The following EYS variants were observed in gnomAD, a reference collection of about 807,000 sequenced individuals.
EYS encodes protein eyes shut homolog.
A neutral mutation model predicts 282.1 loss-of-function variants in EYS; 250 were observed. The observed-to-expected ratio is 0.89, with a 90% CI of 0.80 to 0.98. The LOEUF (loss-of-function observed/expected upper bound fraction) is 0.98, where lower values mean the gene tolerates loss of function less well. EYS is among the 50% of genes least tolerant of loss of function. EYS has a pLI of 0.00. For missense variants in EYS, 4,016 were observed against 3,709.0 expected, an observed-to-expected ratio of 1.08 and a Z score of -2.15; for synonymous variants, 1,355 against 1,282.9, an observed-to-expected ratio of 1.06 and a Z score of -1.20.
intron 2 of EYS, among the ~76,000 whole-genome samples, chr6:65,523,685 C>CT (rs773534771): frequency 1.3e-5 from 2 of 151,944 alleles, no homozygotes; most frequent in Admixed American, 6.6e-5. Context: ...TTAAAAATAA[C>CT]TTTTTTTAAA....
chr6:64,380,634 A>G lies in EYS; in HGVS notation c.6078+8056T>C, dbSNP rs564910202. The stretch of plus-strand genomic sequence containing the variant: ...AAATTGAAGTTAGACTATTTAACTT[A>G]ATGTAATTATTGGTATGAATCTGGT... On this transcript the variant is annotated intron_variant, in intron 29 of 42. Coordinates refer to ENST00000503581, the MANE Select transcript of EYS (RefSeq NM_001142800.2). Among the ~76,000 whole-genome samples the G allele has an allele frequency of 2.0e-5, 3 of 152,358 alleles. No individual in the cohort carries two copies. In the South Asian group the frequency reaches 6.2e-4, roughly 32 times the overall value.
intron 12 of EYS, among the ~76,000 whole-genome samples, chr6:65,090,142 C>G (rs13216890): frequency 0.19 from 29,190 of 151,798 alleles, 3,398 homozygotes; most frequent in South Asian, 0.27. Context: ...CACCCAAGAT[C>G]TCATCTTGAA....
At chr6:64,348,585 T>G (rs621537) in intron 29 of EYS, among the ~76,000 whole-genome samples, 103,797 of 151,256 alleles carry the variant, frequency 0.69, 35,651 homozygotes, top group South Asian at 0.71. Flanking sequence ...CAACTCTAAC[T>G]GAGCAATTAT....
At chr6:64,675,421 TTTTTTTC>T (rs1363082779) in intron 22 of EYS, among the ~76,000 whole-genome samples, 8 of 87,746 alleles carry the variant, frequency 9.1e-5, no homozygotes, top group Non-Finnish European at 1.4e-4. Flanking sequence ...TGTTTCTCTT[TTTTTTTC>T]TTTTTTTTTT....
At chr6:65,621,268 T>C (rs1277737997) in intron 2 of EYS, among the ~76,000 whole-genome samples, 3 of 152,216 alleles carry the variant, frequency 2.0e-5, no homozygotes, top group Non-Finnish European at 4.4e-5. Flanking sequence ...TTAGGACAGT[T>C]AGCTCTTCTT....
At position 65,120,460 on chromosome 6, in the gene EYS, C is replaced by CAAA. The variant is rs67505285; in HGVS notation, c.2024-62736_2024-62734dup. Among the ~76,000 whole-genome samples the CAAA allele has an allele frequency of 7.1e-3, 483 of 68,234 alleles. 23 individuals are homozygous for CAAA. Among genetic ancestry groups the CAAA allele is most frequent in the African/African-American group, 0.025 (416 of 16,714 alleles). The allele number at this position is 68,234 out of a possible 152,430, so 44.8% of individuals were successfully genotyped here. On this transcript the variant is annotated intron_variant, in intron 12 of 42. Transcript: ENST00000503581. ...ACATTACTCTTTTTCTTTAAATAAG[C>CAAA]AAAAAAAAAAAAAAAAAAAAAAAAT...
chr6:63,943,111 G>T (rs1765291834), intron 35 of EYS, among the ~76,000 whole-genome samples: 1 of 152,194 alleles, frequency 6.6e-6, no homozygotes, highest in African/African-American at 2.4e-5. Context: ...CAAGAATCAT[G>T]TGGATTTTTG....
intron 41 of EYS, among the ~76,000 whole-genome samples, chr6:63,734,671 T>C (rs1362311923): frequency 2.0e-5 from 3 of 152,108 alleles, no homozygotes; most frequent in African/African-American, 4.8e-5. Flanking sequence ...ATGGGGTTTT[T>C]GTCCTGAGAA....
intron 37 of EYS, among the ~76,000 whole-genome samples, chr6:63,798,987 GTATATATATATATATATA>G (rs56290982): frequency 4.7e-5 from 4 of 85,792 alleles, no homozygotes; most frequent in African/African-American, 1.1e-4. Flanking sequence ...GTATATGTGT[GTATATATATATATATATA>G]TATATATATA....
intron 36 of EYS, among the ~76,000 whole-genome samples, chr6:63,824,610 T>G (rs1479875252): frequency 1.3e-5 from 2 of 152,124 alleles, no homozygotes; most frequent in Non-Finnish European, 2.9e-5. Flanking sequence ...GACCCTCCTC[T>G]CCCGAGCACA....
At chr6:64,472,904 G>C (rs1364449826) in intron 26 of EYS, among the ~76,000 whole-genome samples, 1 of 152,178 alleles carries the variant, frequency 6.6e-6, no homozygotes, top group South Asian at 2.1e-4. Flanking sequence ...AAAACACTTT[G>C]TTATCCCATG....
chr6:64,426,673 G>A (rs946694890), intron 28 of EYS, among the ~76,000 whole-genome samples: 5 of 144,972 alleles, frequency 3.4e-5, no homozygotes, highest in Non-Finnish European at 7.5e-5. Flanking sequence ...TTGGCAGAGG[G>A]GTTGGCTTTG....
At chr6:63,878,395 G>A (rs1352466314) in intron 35 of EYS, among the ~76,000 whole-genome samples, 1 of 152,208 alleles carries the variant, frequency 6.6e-6, no homozygotes, top group African/African-American at 2.4e-5. Context: ...TTACTGGGAG[G>A]TGTCTTCCAG....
intron 22 of EYS, among the ~76,000 whole-genome samples, chr6:64,640,546 T>A (rs9294564): frequency 1 from 147,828 of 148,066 alleles, 73,795 homozygotes; most frequent in Middle Eastern, 1. Context: ...AGGAAGGGGG[T>A]CATCACACTC....
chr6:64,138,111 C>T (rs995935922), intron 31 of EYS, among the ~76,000 whole-genome samples: 2 of 152,030 alleles, frequency 1.3e-5, no homozygotes, highest in Non-Finnish European at 2.9e-5. Flanking sequence ...ATTGGATTGA[C>T]CATTCCTAAA....
intron 26 of EYS, among the ~76,000 whole-genome samples, chr6:64,527,286 A>T (rs571137060): frequency 6.6e-6 from 1 of 151,970 alleles, no homozygotes; most frequent in African/African-American, 2.4e-5. Context: ...CAACCAAAAC[A>T]GGAATAGAAA....
At chr6:63,870,468 TA>T (rs1371027348) in intron 35 of EYS, among the ~76,000 whole-genome samples, 1 of 152,254 alleles carries the variant, frequency 6.6e-6, no homozygotes, top group African/African-American at 2.4e-5. Context: ...TAGAAAGGTA[TA>T]CATTTATGAA....
chr6:64,093,810 A>G (rs1345010322), intron 31 of EYS, among the ~76,000 whole-genome samples: 1 of 152,118 alleles, frequency 6.6e-6, no homozygotes, highest in African/African-American at 2.4e-5. Flanking sequence ...GAGTGGCGAG[A>G]GAGGTCATCC....
At chr6:64,466,053 CT>C (rs1462068286) in intron 26 of EYS, among the ~76,000 whole-genome samples, 1 of 152,008 alleles carries the variant, frequency 6.6e-6, no homozygotes, top group Non-Finnish European at 1.5e-5. Flanking sequence ...CAATGAAATA[CT>C]ACCTCATGCC....
Sources: gnomAD v4.1 joint callset for allele counts (sites outside exome capture counted in the v4.1 genomes callset) on GRCh38, gnomAD v4.1.1 for gene constraint, MANE v1.5 for transcripts, NCBI Gene and HGNC (gene_info 2026-07-23, HGNC 2026-07-21) for gene names.